RNF152: variants seen among roughly 807,000 people sequenced by gnomAD.
RNF152 encodes the protein ring finger protein 152, also known as E3 ubiquitin-protein ligase RNF152.
In RNF152, 11 loss-of-function variants were observed where a neutral mutation model predicts 12.7. That is an observed-to-expected ratio of 0.86 (90% CI 0.54 to 1.43). The LOEUF is 1.43. Ranked by LOEUF, RNF152 falls within the 40% of genes most tolerant of loss-of-function variation. RNF152 has a pLI of 0.00. For missense variants in RNF152, 255 were observed against 274.8 expected, an observed-to-expected ratio of 0.93 and a Z score of 0.51; for synonymous variants, 113 against 120.3, an observed-to-expected ratio of 0.94 and a Z score of 0.40.
intron 1 of RNF152, among the ~76,000 whole-genome samples, chr18:61,850,860 G>A (rs762080681): frequency 5.9e-5 from 9 of 152,222 alleles, no homozygotes; most frequent in Admixed American, 1.3e-4. Context: ...AGGTACACAC[G>A]TACTCAGGAA....
intron 1 of RNF152, among the ~76,000 whole-genome samples, chr18:61,818,826 A>T (rs1909241342): frequency 6.6e-6 from 1 of 152,180 alleles, no homozygotes; most frequent in South Asian, 2.1e-4. Context: ...GTCAAGCGTG[A>T]TGTTCCTTTT....
chr18:61,823,065 C>A (rs1010070074), intron 1 of RNF152, among the ~76,000 whole-genome samples: 1 of 152,186 alleles, frequency 6.6e-6, no homozygotes, highest in African/African-American at 2.4e-5. Context: ...GTGTCATTGA[C>A]TTTTTGTCCT....
intron 1 of RNF152, among the ~76,000 whole-genome samples, chr18:61,862,189 A>AC (rs1183518642): frequency 2.0e-5 from 3 of 151,472 alleles, no homozygotes; most frequent in Admixed American, 6.6e-5. Context: ...CTCCATCCTG[A>AC]CCCCCCTATC....
rs767050829 is a variant in RNF152 at position 61,815,519 on chromosome 18, C to T, written c.*333G>A. 2 of 271,256 alleles carry T rather than the reference C, an allele frequency of 7.4e-6. No homozygotes were observed. Among genetic ancestry groups the T allele is most frequent in the Admixed American group, 4.9e-5 (1 of 20,404 alleles). 16.8% of individuals were successfully genotyped at this position (271,256 alleles called of 1,614,324 possible). A position where few individuals can be genotyped will look rare whatever the true frequency, so the allele number is the denominator to read the frequency against. On this transcript the variant is annotated 3_prime_UTR_variant, in exon 2 of 2. Transcript: ENST00000312828. ...TTTAGAGAAGGTCACATTGTACGCA[C>T]TTGTACAGTTTAACGTCTAAGTAGA... is the stretch of plus-strand genomic sequence containing the variant.
Position 61,874,476 on chromosome 18 carries a change from C to T in RNF152, c.-136+18319G>A, listed in dbSNP as rs60209985. Among the ~76,000 whole-genome samples, 19 of 152,266 alleles carry T rather than the reference C, an allele frequency of 1.2e-4. No homozygotes were observed. The East Asian group carries it at 3.7e-3, about 29-fold the overall frequency. The stretch of plus-strand genomic sequence containing the variant: ...AAGAAATCACATTCAAAATAATGTG[C>T]AACTATTTTAAAAAGCATTAGATCA... On this transcript the variant is annotated intron_variant, in intron 1 of 1. Coordinates refer to ENST00000312828, the MANE Select transcript of RNF152 (RefSeq NM_173557.3).
intron 1 of RNF152, among the ~76,000 whole-genome samples, chr18:61,846,493 A>C (rs1000334814): frequency 1.3e-5 from 2 of 152,050 alleles, no homozygotes; most frequent in Admixed American, 6.6e-5. Context: ...TGGACAATTC[A>C]TTGTCTTACA....
At chr18:61,868,420 G>A (rs1017542159) in intron 1 of RNF152, among the ~76,000 whole-genome samples, 1 of 152,134 alleles carries the variant, frequency 6.6e-6, no homozygotes, top group African/African-American at 2.4e-5. Flanking sequence ...AATAAGTACA[G>A]GTTTTAGGTC....
chr18:61,867,630 A>G (rs576310827), intron 1 of RNF152, among the ~76,000 whole-genome samples: 2 of 151,946 alleles, frequency 1.3e-5, no homozygotes, highest in Non-Finnish European at 2.9e-5. Context: ...TGTTATGGCA[A>G]CCCCCAACCC....
intron 1 of RNF152, among the ~76,000 whole-genome samples, chr18:61,859,702 A>T (rs1378948391): frequency 6.6e-6 from 1 of 152,144 alleles, no homozygotes; most frequent in Non-Finnish European, 1.5e-5. Context: ...AACATGGCGA[A>T]ATCCCATCTC....
intron 1 of RNF152, among the ~76,000 whole-genome samples, chr18:61,851,497 A>AT (rs1024537548): frequency 5.3e-5 from 8 of 152,192 alleles, no homozygotes; most frequent in African/African-American, 1.9e-4. Context: ...TCCGTGCCTT[A>AT]TCTCATCCTT....
rs1473429647 is a variant in RNF152, at chr18:61,814,500, G to A, written c.*1352C>T. 6.6e-6 allele frequency: 1 copy of A among 152,200 alleles called. No individual in the cohort carries two copies. The highest frequency in any genetic ancestry group is 2.4e-5 in the African/African-American group (1 of 41,444). The allele number at this position is 152,200 out of a possible 1,614,324, so 9.4% of individuals were successfully genotyped here. A position where few individuals can be genotyped will look rare whatever the true frequency, so the allele number is the denominator to read the frequency against. On this transcript the variant is annotated 3_prime_UTR_variant, in exon 2 of 2. Transcript: ENST00000312828. ...GATAGGAATTTATCACGTACTTGTAGCAGATCTTTCTTCATGAGCATCTAT... is the reference window on the plus strand; with the variant it reads ...GATAGGAATTTATCACGTACTTGTAACAGATCTTTCTTCATGAGCATCTAT...
At chr18:61,867,867 T>C (rs1036241379) in intron 1 of RNF152, among the ~76,000 whole-genome samples, 2 of 152,224 alleles carry the variant, frequency 1.3e-5, no homozygotes, top group East Asian at 3.8e-4. Flanking sequence ...ACTAATTCTA[T>C]AAGGAACCCC....
intron 1 of RNF152, among the ~76,000 whole-genome samples, chr18:61,853,114 T>C (rs1181761858): frequency 2.0e-5 from 3 of 152,162 alleles, no homozygotes; most frequent in African/African-American, 7.2e-5. Flanking sequence ...TAGGCAAGTT[T>C]ATTAGTTTCC....
At chr18:61,866,083 C>A (rs1252137081) in intron 1 of RNF152, among the ~76,000 whole-genome samples, 2 of 152,174 alleles carry the variant, frequency 1.3e-5, no homozygotes, top group Admixed American at 6.5e-5. Context: ...CAGGAATATT[C>A]CTGGCCATAT....
At chr18:61,856,552 A>T (rs935435123) in intron 1 of RNF152, among the ~76,000 whole-genome samples, 1 of 152,198 alleles carries the variant, frequency 6.6e-6, no homozygotes, top group Non-Finnish European at 1.5e-5. Context: ...ATCACCTTCC[A>T]GGTCACTCAG....
At chr18:61,820,443 T>C (rs954499059) in intron 1 of RNF152, among the ~76,000 whole-genome samples, 11 of 151,756 alleles carry the variant, frequency 7.2e-5, no homozygotes, top group Non-Finnish European at 4.4e-5. Context: ...CAGGGTTCGT[T>C]GGTGAATCCT....
At position 61,852,521 on chromosome 18, in the gene RNF152, C is replaced by T. The variant is rs74572179; in HGVS notation, c.-135-35923G>A. ...AAGACAGAGTCCTCAACAGACCACC[C>T]ACTTCTCTCAAAACTCAAAAGAACA... On this transcript the variant is annotated intron_variant, in intron 1 of 1. Transcript: ENST00000312828. Among the ~76,000 whole-genome samples, 63 of 152,322 alleles carry T rather than the reference C, an allele frequency of 4.1e-4. No homozygotes were observed. The East Asian group carries it at 0.012, about 28-fold the overall frequency.
upstream of RNF152, chr18:61,893,160 G>T (rs1007461315): frequency 1.3e-4 from 20 of 152,306 alleles, no homozygotes; most frequent in African/African-American, 3.6e-4. Context: ...TGGTGGCAGA[G>T]CGCCTACTAG....
In RNF152 at chr18:61,892,803, G is replaced by C. The variant is rs1247946958; in HGVS notation, c.-144C>G. 1 of 152,160 alleles carries C rather than the reference G, an allele frequency of 6.6e-6. No homozygotes were observed. Among genetic ancestry groups the C allele is most frequent in the Non-Finnish European group, 1.5e-5 (1 of 68,082 alleles). 9.4% of individuals were successfully genotyped at this position (152,160 alleles called of 1,614,324 possible). On this transcript the variant is annotated 5_prime_UTR_variant, in exon 1 of 2. Transcript: ENST00000312828. ...AGATCGTGGGGGGTTACCTGTATCT[G>C]TCACCGAGTCTCTTTCACCCCTTCT...
Sources: allele counts gnomAD v4.1 joint callset (sites outside exome capture counted in the v4.1 genomes callset), GRCh38; gene constraint gnomAD v4.1.1; transcripts MANE v1.5; gene names NCBI Gene and HGNC (gene_info 2026-07-23, HGNC 2026-07-21).